The following BRIP1 variants were observed in gnomAD, a reference collection of about 807,000 sequenced individuals.
BRIP1 encodes the protein BRCA1 interacting DNA helicase 1.
A neutral mutation model predicts 119.7 loss-of-function variants in BRIP1; 88 were observed. The ratio of observed to expected loss-of-function variants is 0.74; its 90% CI spans 0.62 to 0.88. The LOEUF (loss-of-function observed/expected upper bound fraction) is 0.88, where lower values mean the gene tolerates loss of function less well. BRIP1 is among the 40% of genes least tolerant of loss of function. The probability of loss-of-function intolerance (pLI) is 0.00; values close to 1 mark genes in which losing one functional copy is unlikely to be tolerated. For synonymous variants in BRIP1, 443 were observed against 496.5 expected, an observed-to-expected ratio of 0.89 and a Z score of 1.43; for missense variants, 1,259 against 1,455.4, an observed-to-expected ratio of 0.87 and a Z score of 2.20.
At position 61,853,364 on chromosome 17, in the gene BRIP1, TG is replaced by T; in HGVS notation, c.379+3693del. Among the ~76,000 whole-genome samples, 1 of 150,302 alleles carries T rather than the reference TG, an allele frequency of 6.7e-6. No individual in the cohort carries two copies. The highest frequency in any genetic ancestry group is 1.5e-5 in the Non-Finnish European group (1 of 67,720). On this transcript the variant is annotated intron_variant, in intron 4 of 19. Transcript: ENST00000259008. This position sits in a 1 kb window ranked among gnomAD's most constrained non-coding sequence, Gnocchi z 4.3. ...TGAAAAAGAAGATGAGGAGGGCCTCTGGGGTGTTGGTAATGTCTCTCTCTTT... is the reference window on the plus strand; with the variant it reads ...TGAAAAAGAAGATGAGGAGGGCCTCTGGGTGTTGGTAATGTCTCTCTCTTT...
At chr17:61,859,405 C>G (rs2078942515) in intron 3 of BRIP1, among the ~76,000 whole-genome samples, 1 of 152,112 alleles carries the variant, frequency 6.6e-6, no homozygotes, top group Non-Finnish European at 1.5e-5. Flanking sequence ...AATCACAGCT[C>G]TCTGCAACCT....
In BRIP1 at chr17:61,842,592, TAAAC is replaced by T. The variant is rs1443075829; in HGVS notation, c.627+4505_627+4508del. On this transcript the variant is annotated intron_variant, in intron 6 of 19. Transcript: ENST00000259008. The surrounding 1 kb of genome is among the most constrained non-coding windows in gnomAD (Gnocchi z 5.1). ...TATAATTATTATGTGTCAACAAAAA[TAAAC>T]AAAAAATAAAGATCAGAACTACAAA... Among the ~76,000 whole-genome samples the T allele has an allele frequency of 2.0e-5, 3 of 152,146 alleles. No individual in the cohort carries two copies. Among genetic ancestry groups the T allele is most frequent in the Admixed American group, 6.5e-5 (1 of 15,268 alleles).
chr17:61,784,450 T>G (rs2145143347), intron 10 of BRIP1, 26 bp from the exon 11 acceptor site: 1 of 1,600,640 alleles, frequency 6.2e-7, no homozygotes, highest in Non-Finnish European at 8.6e-7. Context: ...ATATTAAGTA[T>G]AGAGGGGTTG....
intron 8 of BRIP1, among the ~76,000 whole-genome samples, chr17:61,800,672 G>A (rs1351876134): frequency 6.6e-6 from 1 of 152,140 alleles, no homozygotes. Flanking sequence ...CTAGTTAAGA[G>A]ATAACCAAAT....
At position 61,681,491 on chromosome 17, in the gene BRIP1, G is replaced by A. The variant is rs2061269786; in HGVS notation, c.*1805C>T. ...TAGCAAATCAGTGGCAGAGCCAGGT[G>A]TAGAGCCCAAGTCTCTTGTCTTCTA... On this transcript the variant is annotated 3_prime_UTR_variant, in exon 20 of 20. Transcript: ENST00000259008. The surrounding 1 kb of genome is among the most constrained non-coding windows in gnomAD (Gnocchi z 5.1). The A allele has an allele frequency of 4.8e-6, 1 of 210,278 alleles. No individual in the cohort carries two copies. The highest frequency in any genetic ancestry group is 9.7e-6 in the Non-Finnish European group (1 of 103,258). The allele number at this position is 210,278 out of a possible 1,614,324, so 13.0% of individuals were successfully genotyped here.
intron 6 of BRIP1, among the ~76,000 whole-genome samples, chr17:61,813,452 T>A (rs932463250): frequency 6.6e-6 from 1 of 152,052 alleles, no homozygotes; most frequent in Admixed American, 6.5e-5. Context: ...TATGACTAAA[T>A]GTCCCTGAAC....
rs1409476608 is a variant in BRIP1 at position 61,687,591 on chromosome 17, A to G, written c.2576-1426T>C. Among the ~76,000 whole-genome samples the G allele has an allele frequency of 6.6e-6, 1 of 152,234 alleles. No individual in the cohort carries two copies. Among genetic ancestry groups the G allele is most frequent in the Non-Finnish European group, 1.5e-5 (1 of 68,038 alleles). On this transcript the variant is annotated intron_variant, in intron 18 of 19. Coordinates refer to ENST00000259008, the MANE Select transcript of BRIP1 (RefSeq NM_032043.3). The surrounding 1 kb of genome is among the most constrained non-coding windows in gnomAD (Gnocchi z 5.1). ...ACATGGCTAATCTAAAACAAAATTT[A>G]ACATCTCTTTATTATAATAAAATGT...
At position 61,804,954 on chromosome 17, in the gene BRIP1, C is replaced by CTGTG. The variant is rs59414906; in HGVS notation, c.919-3484_919-3481dup. Among the ~76,000 whole-genome samples, 111 of 139,220 alleles carry CTGTG rather than the reference C, an allele frequency of 8.0e-4. 1 individual carries two copies. Among genetic ancestry groups the CTGTG allele is most frequent in the South Asian group, 2.9e-3 (12 of 4,174 alleles). 91.3% of individuals were successfully genotyped at this position (139,220 alleles called of 152,430 possible). ...GGCAGGATGAAATGTCTCTCTCTTTCTGTGTGTGTGTGTGTGTGTGTGTGT... is the reference window on the plus strand; with the variant it reads ...GGCAGGATGAAATGTCTCTCTCTTTCTGTGTGTGTGTGTGTGTGTGTGTGTGTGT... On this transcript the variant is annotated intron_variant, in intron 7 of 19. Coordinates refer to ENST00000259008, the MANE Select transcript of BRIP1 (RefSeq NM_032043.3). The surrounding 1 kb of genome is among the most constrained non-coding windows in gnomAD (Gnocchi z 4.5).
At chr17:61,731,321 A>G (rs1453178796) in intron 16 of BRIP1, among the ~76,000 whole-genome samples, 1 of 152,182 alleles carries the variant, frequency 6.6e-6, no homozygotes, top group Admixed American at 6.5e-5. Context: ...GTAACCATGT[A>G]TTATTATCAG....
In BRIP1 at chr17:61,687,321, G is replaced by A. The variant is rs150238570; in HGVS notation, c.2576-1156C>T. Among the ~76,000 whole-genome samples the A allele has an allele frequency of 1.5e-4, 23 of 152,228 alleles. No homozygotes were observed. The East Asian group carries it at 4.2e-3, about 28-fold the overall frequency. On this transcript the variant is annotated intron_variant, in intron 18 of 19. Transcript: ENST00000259008. This position sits in a 1 kb window ranked among gnomAD's most constrained non-coding sequence, Gnocchi z 5.1. The stretch of plus-strand genomic sequence containing the variant: ...TTCAACCTTTTTATAATCAAAGAAA[G>A]CCTTTTCAATGTAAAATATCATTGT...
In BRIP1 at chr17:61,857,189, T is replaced by C. The variant is rs1383287302; in HGVS notation, c.248A>G (p.Gln83Arg). Residue 83 changes from glutamine to arginine, a missense_variant, in exon 4 of 20, where the codon CAA becomes CGA. By Grantham distance (43) the Gln-to-Arg change is conservative. Transcript: ENST00000259008. This position sits in a 1 kb window ranked among gnomAD's most constrained non-coding sequence, Gnocchi z 5.1. ...ATGGCATGCACAACAACATGACAAT[T>C]GTACTTCAGCTTTTTCACTTACGCC... ...DEGVSEKAEV[Q>R]LSCCCACHSK... 1 of 1,614,128 alleles carries C rather than the reference T, an allele frequency of 6.2e-7. No individual in the cohort carries two copies. The highest frequency in any genetic ancestry group is 8.5e-7 in the Non-Finnish European group (1 of 1,179,966).
At position 61,792,002 on chromosome 17, in the gene BRIP1, A is replaced by G. The variant is rs996170110; in HGVS notation, c.1473+1595T>C. ...GTAGAAGCAGAGTCCTCAGCCCCAA[A>G]GTTCACTGGTGAAGATGTACAACAA... is the stretch of plus-strand genomic sequence containing the variant. On this transcript the variant is annotated intron_variant, in intron 10 of 19. Coordinates refer to ENST00000259008, the MANE Select transcript of BRIP1 (RefSeq NM_032043.3). Among the ~76,000 whole-genome samples the G allele has an allele frequency of 2.4e-4, 37 of 152,320 alleles. No homozygotes were observed. In the Middle Eastern group the frequency reaches 0.014, roughly 56 times the overall value.
At position 61,735,619 on chromosome 17, in the gene BRIP1, C is replaced by G. The variant is rs2144610135; in HGVS notation, c.2379+7394G>C. On this transcript the variant is annotated intron_variant, in intron 16 of 19. Coordinates refer to ENST00000259008, the MANE Select transcript of BRIP1 (RefSeq NM_032043.3). This position sits in a 1 kb window ranked among gnomAD's most constrained non-coding sequence, Gnocchi z 4.4. ...GCCTGGGCAACATAGCAAGATCCTG[C>G]CTCTACAAAAAAAAAAAAACCACGT... 6.6e-6 allele frequency among the ~76,000 whole-genome samples: 1 copy of G among 150,420 alleles called. No individual in the cohort carries two copies. Among genetic ancestry groups the G allele is most frequent in the Admixed American group, 6.6e-5 (1 of 15,192 alleles).
chr17:61,791,624 C>A (rs2077819047), intron 10 of BRIP1, among the ~76,000 whole-genome samples: 2 of 151,864 alleles, frequency 1.3e-5, no homozygotes, highest in African/African-American at 4.8e-5. Flanking sequence ...TTCCAGGACC[C>A]CATTGGAGCA....
intron 16 of BRIP1, among the ~76,000 whole-genome samples, chr17:61,733,956 A>T (rs1008771358): frequency 6.6e-6 from 1 of 152,208 alleles, no homozygotes; most frequent in Non-Finnish European, 1.5e-5. Flanking sequence ...TTAAAAATAT[A>T]AACATTTTTA....
chr17:61,715,647 C>G (rs1469707134), intron 17 of BRIP1, among the ~76,000 whole-genome samples: 1 of 152,090 alleles, frequency 6.6e-6, no homozygotes, highest in African/African-American at 2.4e-5. Context: ...CAAGACAAAA[C>G]TTTTTTGATT....
Position 61,861,638 on chromosome 17 carries a change from A to C in BRIP1, c.-30-69T>G. ...AAAGAAAACCAGAGAACCAAAACTA[A>C]GGGAGAAATCTGGAAACAGAAACTG... On this transcript the variant is annotated intron_variant, in intron 1 of 19. Transcript: ENST00000259008. This position sits in a 1 kb window ranked among gnomAD's most constrained non-coding sequence, Gnocchi z 4.5. 1 of 848,686 alleles carries C rather than the reference A, an allele frequency of 1.2e-6. No homozygotes were observed. Among genetic ancestry groups the C allele is most frequent in the Non-Finnish European group, 2.0e-6 (1 of 500,884 alleles). 52.6% of individuals were successfully genotyped at this position (848,686 alleles called of 1,614,324 possible).
intron 16 of BRIP1, among the ~76,000 whole-genome samples, chr17:61,716,419 C>T (rs1397291646): frequency 6.6e-6 from 1 of 151,996 alleles, no homozygotes; most frequent in Non-Finnish European, 1.5e-5. Flanking sequence ...CCCTCTTATC[C>T]CTTTATAGTA....
At position 61,793,859 on chromosome 17, in the gene BRIP1, GATTA is replaced by G. The variant is rs1555605989; in HGVS notation, c.1341-134_1341-131del. The stretch of plus-strand genomic sequence containing the variant: ...TTGACATTCTTAGGACATGAATGTG[GATTA>G]ATTAAGACACCTTTTAAAAAGCATT... On this transcript the variant is annotated intron_variant, in intron 9 of 19. Transcript: ENST00000259008. This position sits in a 1 kb window ranked among gnomAD's most constrained non-coding sequence, Gnocchi z 5.2. The G allele has an allele frequency of 1.1e-5, 10 of 885,888 alleles. No individual in the cohort carries two copies. Among genetic ancestry groups the G allele is most frequent in the African/African-American group, 1.7e-5 (1 of 57,850 alleles). The allele number at this position is 885,888 out of a possible 1,614,324, so 54.9% of individuals were successfully genotyped here.
Sources: gnomAD v4.1 joint callset for allele counts (sites outside exome capture counted in the v4.1 genomes callset) on GRCh38, gnomAD v4.1.1 for gene constraint, Gnocchi (gnomAD v3.1) non-coding constraint, MANE v1.5 for transcripts, NCBI Gene and HGNC (gene_info 2026-07-23, HGNC 2026-07-21) for gene names.